NIBAN2: variants seen among roughly 807,000 people sequenced by gnomAD.
NIBAN2 encodes protein Niban 2.
In NIBAN2, 36 loss-of-function variants were observed where a neutral mutation model predicts 81.8. The observed-to-expected ratio is 0.44, with a 90% CI of 0.34 to 0.58. NIBAN2 has a LOEUF of 0.58. NIBAN2 is among the 20% of genes least tolerant of loss of function. The pLI, the probability that NIBAN2 is intolerant of heterozygous loss-of-function variation, is 0.02. For missense variants in NIBAN2, 897 were observed against 1,014.1 expected (o/e 0.88, Z 1.57); for synonymous variants, 445 against 441.6 (o/e 1.01, Z -0.10).
intron 1 of NIBAN2, among the ~76,000 whole-genome samples, chr9:127,548,850 C>T (rs1053221769): frequency 7.2e-5 from 11 of 152,258 alleles, no homozygotes; most frequent in Non-Finnish European, 1.2e-4. Context: ...GCCGTAGCCA[C>T]GCCCTATTGC....
Position 127,517,961 on chromosome 9 carries a change from A to G in NIBAN2, c.590-20T>C. On this transcript the variant is annotated intron_variant, in intron 5 of 13. Transcript: ENST00000373312. This position sits in a 1 kb window ranked among gnomAD's most constrained non-coding sequence, Gnocchi z 4.0. ...GGATTCCTGCCCAGGAGACGGAGGG[A>G]GAGAGGAGGTCAGCAGATGGCCCAG... is the stretch of plus-strand genomic sequence containing the variant. 2 of 1,545,766 alleles carry G rather than the reference A, an allele frequency of 1.3e-6. No individual in the cohort carries two copies. Among genetic ancestry groups the G allele is most frequent in the Non-Finnish European group, 1.8e-6 (2 of 1,136,056 alleles).
intron 9 of NIBAN2, among the ~76,000 whole-genome samples, chr9:127,509,561 A>T (rs761238294): frequency 1.3e-5 from 2 of 152,064 alleles, no homozygotes; most frequent in Non-Finnish European, 2.9e-5. Flanking sequence ...AGTATAAAGG[A>T]GGAAACTAAG....
intron 4 of NIBAN2, among the ~76,000 whole-genome samples, chr9:127,524,363 G>A (rs567680514): frequency 6.6e-5 from 10 of 152,328 alleles, no homozygotes; most frequent in African/African-American, 2.2e-4. Context: ...CTGTGACCCT[G>A]CCACTGTTGT....
chr9:127,517,805 C>T lies in NIBAN2; in HGVS notation c.705+21G>A, dbSNP rs1836861969. ...CCTTGGGTGACTTCTGAGGTTTCCT[C>T]ACCAGCCCGTCTGGCCTCACCTGCA... On this transcript the variant is annotated intron_variant, in intron 6 of 13. Coordinates refer to ENST00000373312, the MANE Select transcript of NIBAN2 (RefSeq NM_022833.4). The surrounding 1 kb of genome is among the most constrained non-coding windows in gnomAD (Gnocchi z 4.0). 1.3e-6 allele frequency: 2 copies of T among 1,595,978 alleles called. No individual in the cohort carries two copies. Among genetic ancestry groups the T allele is most frequent in the South Asian group, 1.1e-5 (1 of 89,894 alleles).
intron 1 of NIBAN2, among the ~76,000 whole-genome samples, chr9:127,544,923 A>G (rs1255701921): frequency 1.3e-5 from 2 of 152,236 alleles, no homozygotes; most frequent in Non-Finnish European, 2.9e-5. Flanking sequence ...CTCCAAGATC[A>G]AGTCCAAACT....
At chr9:127,557,734 G>C (rs1468152403) in intron 1 of NIBAN2, among the ~76,000 whole-genome samples, 1 of 152,234 alleles carries the variant, frequency 6.6e-6, no homozygotes, top group African/African-American at 2.4e-5. Flanking sequence ...TCACTCCTCT[G>C]CTCCAAGAGG....
chr9:127,573,049 T>C (rs1588196536), upstream of NIBAN2, among the ~76,000 whole-genome samples: 1 of 152,238 alleles, frequency 6.6e-6, no homozygotes, highest in Admixed American at 6.5e-5. Context: ...TCCCTCTTTA[T>C]AGATATATGT....
chr9:127,525,617 G>T (rs1837049047), intron 3 of NIBAN2, among the ~76,000 whole-genome samples: 1 of 152,200 alleles, frequency 6.6e-6, no homozygotes, highest in Non-Finnish European at 1.5e-5. Context: ...CTTGGCCGAG[G>T]TTGTTGTTCT....
intron 1 of NIBAN2, among the ~76,000 whole-genome samples, chr9:127,565,164 G>T (rs1409773960): frequency 6.6e-6 from 1 of 152,070 alleles, no homozygotes; most frequent in African/African-American, 2.4e-5. Flanking sequence ...GCTTTGCCAT[G>T]TTGCCCACGC....
At chr9:127,577,343 A>G (rs1336656516) in intron 1 of NIBAN2, among the ~76,000 whole-genome samples, 1 of 151,728 alleles carries the variant, frequency 6.6e-6, no homozygotes, top group Admixed American at 6.6e-5. Flanking sequence ...TGAGGATGAG[A>G]CCCATACATA....
intron 4 of NIBAN2, 144 bp downstream of exon 4, chr9:127,524,914 A>C (rs1363365241): frequency 4.8e-6 from 3 of 622,276 alleles, no homozygotes; most frequent in Non-Finnish European, 8.6e-6. Flanking sequence ...AAGGCAAACA[A>C]TGAGGTCTCC....
Position 127,508,257 on chromosome 9 carries a change from G to A in NIBAN2, c.1435-57C>T. 2.0e-6 allele frequency: 3 copies of A among 1,475,514 alleles called. No homozygotes were observed. The highest frequency in any genetic ancestry group is 2.8e-6 in the Non-Finnish European group (3 of 1,060,932). 91.4% of individuals were successfully genotyped at this position (1,475,514 alleles called of 1,614,324 possible). ...GGTCAGTGGGCTCCATTGGCCCTGA[G>A]GGTAGGACGAGGCCAGTGGTCTGAC... On this transcript the variant is annotated intron_variant, in intron 11 of 13. Transcript: ENST00000373312. This position sits in a 1 kb window ranked among gnomAD's most constrained non-coding sequence, Gnocchi z 6.4.
intron 1 of NIBAN2, among the ~76,000 whole-genome samples, chr9:127,558,667 A>G (rs1837719101): frequency 6.6e-6 from 1 of 152,074 alleles, no homozygotes; most frequent in African/African-American, 2.4e-5. Flanking sequence ...CCAAAGCTCA[A>G]ACTCAGCTCT....
rs544134814 is a variant in NIBAN2, at chr9:127,547,863, A to C, written c.56-16085T>G. Among the ~76,000 whole-genome samples the C allele has an allele frequency of 2.1e-4, 32 of 152,244 alleles. No homozygotes were observed. The South Asian group carries it at 5.0e-3, about 24-fold the overall frequency. ...AAAAACAAAAAAACAAACAAAAAAAACCCAGCAACTTTACGATCCCCCATC... is the reference window on the plus strand; with the variant it reads ...AAAAACAAAAAAACAAACAAAAAAACCCCAGCAACTTTACGATCCCCCATC... On this transcript the variant is annotated intron_variant, in intron 1 of 13. Transcript: ENST00000373312.
In NIBAN2 at chr9:127,565,946, T is replaced by TCTCTCA. The variant is rs751937125; in HGVS notation, c.55+2873_55+2874insTGAGAG. ...GAGACCCTGTCTCTCTCTCTCTCTC[T>TCTCTCA]CACACACACACACACACACACACAC... On this transcript the variant is annotated intron_variant, in intron 1 of 13. Transcript: ENST00000373312. Among the ~76,000 whole-genome samples the TCTCTCA allele has an allele frequency of 2.3e-3, 303 of 130,614 alleles. 2 individuals carry two copies. The highest frequency in any genetic ancestry group is 8.5e-3 in the African/African-American group (264 of 31,098). The allele number at this position is 130,614 out of a possible 152,430, so 85.7% of individuals were successfully genotyped here. A position where few individuals can be genotyped will look rare whatever the true frequency, so the allele number is the denominator to read the frequency against.
At chr9:127,542,912 T>TG (rs1278988792) in intron 1 of NIBAN2, among the ~76,000 whole-genome samples, 1 of 152,164 alleles carries the variant, frequency 6.6e-6, no homozygotes, top group Non-Finnish European at 1.5e-5. Context: ...TTAGTAGAGA[T>TG]GGGGGTTTCA....
chr9:127,561,971 G>A (rs1010756385), intron 1 of NIBAN2, among the ~76,000 whole-genome samples: 1 of 152,230 alleles, frequency 6.6e-6, no homozygotes, highest in Non-Finnish European at 1.5e-5. Context: ...GGAAAAAGCA[G>A]TGCAGGAATT....
At chr9:127,561,874 G>T (rs977209718) in intron 1 of NIBAN2, among the ~76,000 whole-genome samples, 5 of 152,216 alleles carry the variant, frequency 3.3e-5, no homozygotes, top group Admixed American at 6.5e-5. Context: ...CATCTGCCCG[G>T]ACTCCTTCCT....
intron 8 of NIBAN2, among the ~76,000 whole-genome samples, chr9:127,513,760 C>T (rs568223726): frequency 3.1e-4 from 47 of 152,312 alleles, no homozygotes; most frequent in African/African-American, 7.7e-4. Context: ...GCTCTGTCTA[C>T]GCAGTAGCCA....
Sources: allele counts gnomAD v4.1 joint callset (sites outside exome capture counted in the v4.1 genomes callset), GRCh38; gene constraint gnomAD v4.1.1; non-coding constraint Gnocchi (gnomAD v3.1); transcripts MANE v1.5; gene names NCBI Gene and HGNC (gene_info 2026-07-23, HGNC 2026-07-21).